The following TMEM132A variants were observed in gnomAD, a reference collection of about 807,000 sequenced individuals.
TMEM132A encodes transmembrane protein 132A, also known as GRP78-binding protein.
In TMEM132A, 48 loss-of-function variants were observed where a neutral mutation model predicts 69.9. That is an observed-to-expected ratio of 0.69 (90% confidence interval 0.55 to 0.87). The LOEUF is 0.87. TMEM132A is among the 40% of genes least tolerant of loss of function. The pLI is 0.00. For synonymous variants in TMEM132A, 577 were observed against 613.7 expected, an observed-to-expected ratio of 0.94 and a Z score of 0.88; for missense variants, 1,287 against 1,407.2, an observed-to-expected ratio of 0.91 and a Z score of 1.37.
At position 60,935,369 on chromosome 11, in the gene TMEM132A, A is replaced by G. The variant is rs1235853465; in HGVS notation, c.1954A>G (p.Ser652Gly). The change falls in exon 10 of 11, where the codon AGC becomes GGC. Residue 652 changes from serine (S) to glycine (G), a missense_variant. Transcript: ENST00000453848. The surrounding 1 kb of genome is among the most constrained non-coding windows in gnomAD (Gnocchi z 5.0). ...QPVMGISLTL[S>G]RGTAHPGEVT... ...AGTGATGGGCATCTCGCTGACCTTG[A>G]GCCGGGGCACTGCCCACCCCGGGGA... 5 of 1,612,784 alleles carry G rather than the reference A, an allele frequency of 3.1e-6. No homozygotes were observed. In the Middle Eastern group the frequency reaches 6.6e-4, roughly 214 times the overall value.
Position 60,932,100 on chromosome 11 carries a change from C to T in TMEM132A, c.1329C>T (p.Cys443=), listed in dbSNP as rs761501384. ...TGGAGGTGACAGAGCATGTCGGCTG[C>T]GAGTCTGCCAACACACAGGTCCTGC... ...ALVEVTEHVG[C]ESANTQVLQV... is the part of the protein sequence containing the mutation. Residue 443 remains cysteine, a synonymous_variant, in exon 7 of 11, where the codon TGC becomes TGT. Transcript: ENST00000453848. 1.3e-4 allele frequency: 200 copies of T among 1,553,348 alleles called. No individual in the cohort carries two copies. The highest frequency in any genetic ancestry group is 1.6e-4 in the Non-Finnish European group (182 of 1,154,092).
At chr11:60,933,827 C>A in intron 8 of TMEM132A, 83 bp downstream of exon 8, 1 of 1,332,582 alleles carries the variant, frequency 7.5e-7, no homozygotes, top group Non-Finnish European at 1.0e-6. Context: ...GCCATGGGCC[C>A]AAGTCGGGGT....
intron 8 of TMEM132A, 27 bp downstream of exon 8, chr11:60,933,771 A>G (rs1462896955): frequency 6.5e-7 from 1 of 1,541,814 alleles, no homozygotes; most frequent in Non-Finnish European, 8.8e-7. Flanking sequence ...GGAAGCTGGC[A>G]GGCCTTGGCG....
chr11:60,924,834 C>T, intron 1 of TMEM132A, 101 bp downstream of exon 1: 2 of 883,680 alleles, frequency 2.3e-6, no homozygotes, highest in Non-Finnish European at 3.3e-6. Context: ...TCGGACTGAA[C>T]CCTGAGCGGG....
Position 60,936,566 on chromosome 11 carries a change from C to A in TMEM132A, c.2731C>A (p.Arg911=). The change falls in exon 11 of 11, where the codon CGG becomes AGG. Residue 911 remains arginine, a synonymous_variant. Transcript: ENST00000453848. ...GGAGGAACTGAGCCGCCAGCTGGAC[C>A]GGCAGTCCCCTGGCCCGCCCAAGGG... The part of the protein sequence containing the change: ...DQEELSRQLD[R]QSPGPPKGEG... The A allele has an allele frequency of 6.2e-7, 1 of 1,608,950 alleles. No individual in the cohort carries two copies.
chr11:60,929,821 C>T (rs1330727243), intron 4 of TMEM132A, among the ~76,000 whole-genome samples: 1 of 152,204 alleles, frequency 6.6e-6, no homozygotes, highest in Non-Finnish European at 1.5e-5. Context: ...CTTTCCTAGA[C>T]ACTTACAGCC....
chr11:60,935,283 G>C lies in TMEM132A; in HGVS notation c.1868G>C (p.Gly623Ala). ...TCCCCACTGTCTGACTCCATCCTGG[G>C]GGAGCAGGCGCTGGCTGTGACGGAC... ...VRSPLSDSIL[G>A]EQALAVTDDK... Residue 623 changes from glycine (G) to alanine (A), a missense_variant, in exon 10 of 11, where the codon GGG (glycine) becomes GCG (alanine). Coordinates refer to ENST00000453848, the MANE Select transcript of TMEM132A (RefSeq NM_178031.3). The surrounding 1 kb of genome is among the most constrained non-coding windows in gnomAD (Gnocchi z 5.0). 1.2e-6 allele frequency: 2 copies of C among 1,612,234 alleles called. No homozygotes were observed. The highest frequency in any genetic ancestry group is 1.7e-6 in the Non-Finnish European group (2 of 1,179,620).
chr11:60,930,002 A>C (rs1440598393), intron 4 of TMEM132A, among the ~76,000 whole-genome samples: 1 of 152,164 alleles, frequency 6.6e-6, no homozygotes, highest in African/African-American at 2.4e-5. Context: ...GTGGGAGCTC[A>C]GGTGAGTGGG....
chr11:60,926,065 G>A (rs575053671), intron 1 of TMEM132A: 1 of 152,372 alleles, frequency 6.6e-6, no homozygotes, highest in Admixed American at 6.5e-5. Context: ...GGTTGCAAAA[G>A]ACAGGAGACT....
chr11:60,930,887 G>T (rs1482666021), intron 5 of TMEM132A, among the ~76,000 whole-genome samples: 1 of 152,182 alleles, frequency 6.6e-6, no homozygotes, highest in Non-Finnish European at 1.5e-5. Context: ...GCAAGTGTCT[G>T]TGAGTCTTAT....
Position 60,924,693 on chromosome 11 carries a change from G to T in TMEM132A, c.60G>T (p.Trp20Cys). ...TAAPRGPYGP[W>C]LCLLVALALD... is the part of the protein sequence containing the mutation. ...CCCCTCGGGGGCCCTACGGCCCCTG[G>T]CTCTGCCTCCTGGTGGCCCTCGCCC... The change falls in exon 1 of 11, where the codon TGG becomes TGT. Residue 20 changes from tryptophan to cysteine, a missense_variant. By Grantham distance (215) the Trp-to-Cys change is radical. Transcript: ENST00000453848. 6.3e-7 allele frequency: 1 copy of T among 1,591,028 alleles called. No homozygotes were observed.
At chr11:60,927,145 C>A in intron 1 of TMEM132A, 59 bp from the exon 2 acceptor site, 1 of 1,471,688 alleles carries the variant, frequency 6.8e-7, no homozygotes, top group African/African-American at 1.4e-5. Context: ...GCATGGCACC[C>A]GGGTCAGCCC....
Position 60,935,046 on chromosome 11 carries a change from A to G in TMEM132A, c.1837-206A>G, listed in dbSNP as rs965138726. Among the ~76,000 whole-genome samples the G allele has an allele frequency of 2.6e-5, 4 of 152,094 alleles. No individual in the cohort carries two copies. The highest frequency in any genetic ancestry group is 4.4e-5 in the Non-Finnish European group (3 of 67,984). On this transcript the variant is annotated intron_variant, in intron 9 of 10. Coordinates refer to ENST00000453848, the MANE Select transcript of TMEM132A (RefSeq NM_178031.3). The surrounding 1 kb of genome is among the most constrained non-coding windows in gnomAD (Gnocchi z 5.0). ...CTAGGTGTGGGATTGGGGTCCAGGT[A>G]TGCACCGGGGTGCAAAGAGTAGAGG...
Position 60,935,188 on chromosome 11 carries a change from T to C in TMEM132A, c.1837-64T>C. The C allele has an allele frequency of 1.3e-6, 2 of 1,489,116 alleles. No homozygotes were observed. The highest frequency in any genetic ancestry group is 1.2e-5 in the South Asian group (1 of 81,488). The allele number at this position is 1,489,116 out of a possible 1,614,324, so 92.2% of individuals were successfully genotyped here. ...CCGTGAGGGTGCTGGGAGCACCCGGTTCCCTCTGGGTGGGGGCTGTCTGTA... is the reference window on the plus strand; with the variant it reads ...CCGTGAGGGTGCTGGGAGCACCCGGCTCCCTCTGGGTGGGGGCTGTCTGTA... On this transcript the variant is annotated intron_variant, in intron 9 of 10. Coordinates refer to ENST00000453848, the MANE Select transcript of TMEM132A (RefSeq NM_178031.3). The surrounding 1 kb of genome is among the most constrained non-coding windows in gnomAD (Gnocchi z 5.0).
Position 60,935,152 on chromosome 11 carries a change from C to CA in TMEM132A, c.1837-100_1837-99insA. 8.3e-7 allele frequency: 1 copy of CA among 1,203,772 alleles called. No individual in the cohort carries two copies. The highest frequency in any genetic ancestry group is 2.6e-5 in the East Asian group (1 of 38,888). The allele number at this position is 1,203,772 out of a possible 1,614,324, so 74.6% of individuals were successfully genotyped here. The stretch of plus-strand genomic sequence containing the variant: ...CCGTGGCGAAGACCTCCCCCACCTC[C>CA]GGAGGGCAGCCCGTGAGGGTGCTGG... On this transcript the variant is annotated intron_variant, in intron 9 of 10. Coordinates refer to ENST00000453848, the MANE Select transcript of TMEM132A (RefSeq NM_178031.3). The surrounding 1 kb of genome is among the most constrained non-coding windows in gnomAD (Gnocchi z 5.0).
Position 60,937,154 on chromosome 11 carries a change from A to T in TMEM132A, c.*247A>T. On this transcript the variant is annotated 3_prime_UTR_variant, in exon 11 of 11. Transcript: ENST00000453848. ...TCTAACAGAATAAACCGAGAAGGAA[A>T]CCAGAGCTGGGACTGCTGCCGTCTG... 6.4e-7 allele frequency: 1 copy of T among 1,559,040 alleles called. No homozygotes were observed. The highest frequency in any genetic ancestry group is 8.7e-7 in the Non-Finnish European group (1 of 1,152,282).
intron 7 of TMEM132A, 171 bp from the exon 8 acceptor site, chr11:60,933,371 A>C (rs1388924706): frequency 5.1e-6 from 3 of 592,866 alleles, no homozygotes; most frequent in Non-Finnish European, 9.0e-6. Flanking sequence ...TTTTGTAGAG[A>C]GGGAGTTTTG....
Position 60,930,631 on chromosome 11 carries a change from C to G in TMEM132A, c.988C>G (p.Arg330Gly), listed in dbSNP as rs779152663. 12 of 1,612,332 alleles carry G rather than the reference C, an allele frequency of 7.4e-6. No homozygotes were observed. In the East Asian group the frequency reaches 8.9e-5, roughly 12 times the overall value. The change falls in exon 5 of 11, where the codon CGT (arginine) becomes GGT (glycine). Residue 330 changes from arginine (R) to glycine (G), a missense_variant. Arg to Gly is a moderately radical substitution (Grantham distance 125, BLOSUM62 -2). Coordinates refer to ENST00000453848, the MANE Select transcript of TMEM132A (RefSeq NM_178031.3). The part of the protein sequence containing the change: ...RHHTTLITCH[R>G]AGLTEPDSSP... ...CCACACCACCCTCATCACCTGCCAC[C>G]GTGCTGGGCTCACAGAGCCAGATTC...
At chr11:60,932,192 C>T in intron 7 of TMEM132A, 65 bp downstream of exon 7, 1 of 1,473,956 alleles carries the variant, frequency 6.8e-7, no homozygotes, top group Non-Finnish European at 9.0e-7. Flanking sequence ...GCACACACAC[C>T]TTTCCTCCTT....
Sources: allele counts gnomAD v4.1 joint callset (sites outside exome capture counted in the v4.1 genomes callset), GRCh38; gene constraint gnomAD v4.1.1; non-coding constraint Gnocchi (gnomAD v3.1); transcripts MANE v1.5; gene names NCBI Gene and HGNC (gene_info 2026-07-23, HGNC 2026-07-21).